HIBCH: variants seen among roughly 807,000 people sequenced by gnomAD.
The protein encoded by HIBCH is 3-hydroxyisobutyryl-CoA hydrolase, mitochondrial.
HIBCH carries 50 observed loss-of-function variants against 58.2 expected under a neutral mutation model. The ratio of observed to expected loss-of-function variants is 0.86; its 90% confidence interval spans 0.68 to 1.09. The LOEUF is 1.09. Among genes scored for constraint, HIBCH ranks in the 50% least tolerant of loss-of-function variants. The pLI is 0.00. For missense variants in HIBCH, 450 were observed against 449.7 expected (o/e 1.00, Z -0.01); for synonymous variants, 151 against 146.9 (o/e 1.03, Z -0.20).
intron 6 of HIBCH, among the ~76,000 whole-genome samples, chr2:190,282,233 T>C (rs1394601809): frequency 1.3e-5 from 2 of 152,216 alleles, no homozygotes; most frequent in African/African-American, 4.8e-5. Context: ...TCTGTCTCAG[T>C]CCATTTTGTG....
At position 190,215,006 on chromosome 2, in the gene HIBCH, A is replaced by C. The variant is rs1359641493; in HGVS notation, c.892-1931T>G. 1.3e-5 allele frequency: 2 copies of C among 152,194 alleles called. No homozygotes were observed. Among genetic ancestry groups the C allele is most frequent in the Non-Finnish European group, 2.9e-5 (2 of 68,030 alleles). 9.4% of individuals were successfully genotyped at this position (152,194 alleles called of 1,614,324 possible). On this transcript the variant is annotated intron_variant, in intron 11 of 13. Coordinates refer to ENST00000359678, the MANE Select transcript of HIBCH (RefSeq NM_014362.4). The surrounding 1 kb of genome is among the most constrained non-coding windows in gnomAD (Gnocchi z 4.4). The stretch of plus-strand genomic sequence containing the variant: ...GAGAAGTCCCTATGGGACAGGGAGG[A>C]GTTGGGTTTGTGAATGCACCTCTAA...
rs371256072 is a variant in HIBCH, at chr2:190,217,076, C to T, written c.892-4001G>A. 1.3e-5 allele frequency among the ~76,000 whole-genome samples: 2 copies of T among 152,320 alleles called. No individual in the cohort carries two copies. The highest frequency in any genetic ancestry group is 2.1e-4 in the South Asian group (1 of 4,828). On this transcript the variant is annotated intron_variant, in intron 11 of 13. Transcript: ENST00000359678. The surrounding 1 kb of genome is among the most constrained non-coding windows in gnomAD (Gnocchi z 4.6). ...CAGGAAAGGTGCCACAGGCTGTTAG[C>T]TCTTCAAACCAGCAGCTCTTGGCCC...
At chr2:190,251,880 A>G (rs553783016) in intron 8 of HIBCH, among the ~76,000 whole-genome samples, 22 of 152,258 alleles carry the variant, frequency 1.4e-4, no homozygotes, top group African/African-American at 5.3e-4. Flanking sequence ...TAAGGTAGGC[A>G]TGATTTTTTT....
chr2:190,220,930 A>G (rs951339642), intron 11 of HIBCH, among the ~76,000 whole-genome samples: 1 of 152,080 alleles, frequency 6.6e-6, no homozygotes, highest in African/African-American at 2.4e-5. Flanking sequence ...CACTACCATT[A>G]TGGTTTACTG....
chr2:190,301,769 G>C (rs1370371087), intron 2 of HIBCH, among the ~76,000 whole-genome samples: 1 of 152,194 alleles, frequency 6.6e-6, no homozygotes, highest in Non-Finnish European at 1.5e-5. Context: ...GAGATTCAGT[G>C]CCTGGTGAGA....
Position 190,207,818 on chromosome 2 carries a change from T to A in HIBCH, c.1045+1062A>T, listed in dbSNP as rs1203173985. ...ATCACTTGAACCTGGGAGGTGGAGG[T>A]TGCAGTAAGCCGAAAGTGCACCACT... is the stretch of plus-strand genomic sequence containing the variant. On this transcript the variant is annotated intron_variant, in intron 13 of 13. Coordinates refer to ENST00000359678, the MANE Select transcript of HIBCH (RefSeq NM_014362.4). This position sits in a 1 kb window ranked among gnomAD's most constrained non-coding sequence, Gnocchi z 4.5. 6.6e-6 allele frequency among the ~76,000 whole-genome samples: 1 copy of A among 151,762 alleles called. No individual in the cohort carries two copies. The highest frequency in any genetic ancestry group is 1.9e-4 in the East Asian group (1 of 5,172).
chr2:190,262,316 C>T (rs1438672643), intron 6 of HIBCH, among the ~76,000 whole-genome samples: 1 of 152,146 alleles, frequency 6.6e-6, no homozygotes, highest in Non-Finnish European at 1.5e-5. Flanking sequence ...ACCTGCAGTC[C>T]AATTTTCAGG....
At position 190,236,298 on chromosome 2, in the gene HIBCH, TTAA is replaced by T. The variant is rs1193912464; in HGVS notation, c.891+8586_891+8588del. ...AGGTAAAATTTAATTCACAAGTATT[TTAA>T]TAATAAGTCACATCATCTGTTATAT... On this transcript the variant is annotated intron_variant, in intron 11 of 13. Coordinates refer to ENST00000359678, the MANE Select transcript of HIBCH (RefSeq NM_014362.4). This position sits in a 1 kb window ranked among gnomAD's most constrained non-coding sequence, Gnocchi z 4.1. Among the ~76,000 whole-genome samples, 12 of 152,194 alleles carry T rather than the reference TTAA, an allele frequency of 7.9e-5. No homozygotes were observed. Among genetic ancestry groups the T allele is most frequent in the African/African-American group, 2.4e-4 (10 of 41,446 alleles).
chr2:190,200,008 G>A (rs2105889851), downstream of HIBCH: 1 of 1,614,042 alleles, frequency 6.2e-7, no homozygotes, highest in Non-Finnish European at 8.5e-7. Flanking sequence ...GGAAGTGAAG[G>A]AACCTCCAGG....
intron 11 of HIBCH, among the ~76,000 whole-genome samples, chr2:190,223,989 G>A (rs1406713886): frequency 1.3e-5 from 2 of 152,310 alleles, no homozygotes; most frequent in South Asian, 2.1e-4. Flanking sequence ...AGGGGTCGGG[G>A]AATTCCCTTT....
downstream of HIBCH, among the ~76,000 whole-genome samples, chr2:190,199,386 C>CCTTGGTATAGATAAATCT (rs1690130878): frequency 6.6e-6 from 1 of 151,582 alleles, no homozygotes; most frequent in Admixed American, 6.6e-5. Flanking sequence ...GTTTGCTAGC[C>CCTTGGTATAGATAAATCT]CTTGGTATAG....
At position 190,216,467 on chromosome 2, in the gene HIBCH, A is replaced by C. The variant is rs112141738; in HGVS notation, c.892-3392T>G. The stretch of plus-strand genomic sequence containing the variant: ...TGCAGAAGGTCTGGGGGGCTATATA[A>C]GTTAGATCAGAGGGTTGTAAACTCA... On this transcript the variant is annotated intron_variant, in intron 11 of 13. Transcript: ENST00000359678. The surrounding 1 kb of genome is among the most constrained non-coding windows in gnomAD (Gnocchi z 4.2). Among the ~76,000 whole-genome samples, 58 of 152,270 alleles carry C rather than the reference A, an allele frequency of 3.8e-4. No individual in the cohort carries two copies. The highest frequency in any genetic ancestry group is 1.3e-3 in the African/African-American group (53 of 41,554).
chr2:190,302,720 T>C (rs1318042049), intron 2 of HIBCH, among the ~76,000 whole-genome samples: 1 of 152,156 alleles, frequency 6.6e-6, no homozygotes, highest in Non-Finnish European at 1.5e-5. Flanking sequence ...TTTTTAAGCT[T>C]TCTCTGGGGT....
At chr2:190,256,256 A>C (rs1686919006) in intron 7 of HIBCH, among the ~76,000 whole-genome samples, 2 of 152,094 alleles carry the variant, frequency 1.3e-5, no homozygotes, top group Admixed American at 1.3e-4. Context: ...TAAGGAAAGA[A>C]TCACAGAAAA....
intron 1 of HIBCH, among the ~76,000 whole-genome samples, chr2:190,196,650 T>C (rs961162446): frequency 6.6e-6 from 1 of 152,168 alleles, no homozygotes. Context: ...GTTATCTTCC[T>C]TTAAATGGTA....
intron 12 of HIBCH, among the ~76,000 whole-genome samples, chr2:190,212,704 T>A (rs1037214072): frequency 9.8e-5 from 15 of 152,328 alleles, no homozygotes; most frequent in African/African-American, 3.4e-4. Flanking sequence ...TATTTTGAAT[T>A]CCTCTAAGAT....
rs1440141984 is a variant in HIBCH, at chr2:190,281,374, C to T, written c.438+6212G>A. ...TGTACCTGGGGCACTTGAGCCATAGCGGGGACAACTGAGGAGCACTGTGCT... is the reference window on the plus strand; with the variant it reads ...TGTACCTGGGGCACTTGAGCCATAGTGGGGACAACTGAGGAGCACTGTGCT... On this transcript the variant is annotated intron_variant, in intron 6 of 13. Coordinates refer to ENST00000359678, the MANE Select transcript of HIBCH (RefSeq NM_014362.4). This position sits in a 1 kb window ranked among gnomAD's most constrained non-coding sequence, Gnocchi z 5.4. 1.3e-5 allele frequency among the ~76,000 whole-genome samples: 2 copies of T among 152,090 alleles called. No individual in the cohort carries two copies. Among genetic ancestry groups the T allele is most frequent in the Non-Finnish European group, 2.9e-5 (2 of 68,016 alleles).
At chr2:190,300,427 T>A (rs74599976) in intron 2 of HIBCH, among the ~76,000 whole-genome samples, 2 of 142,772 alleles carry the variant, frequency 1.4e-5, no homozygotes, top group Admixed American at 6.9e-5. Flanking sequence ...GATACTGAGC[T>A]TTTTTTTTTT....
chr2:190,309,169 A>AGT (rs1559065808), intron 2 of HIBCH, among the ~76,000 whole-genome samples: 6 of 152,248 alleles, frequency 3.9e-5, no homozygotes, highest in African/African-American at 1.2e-4. Context: ...TGTTTACACT[A>AGT]GTTAGGATAA....
Sources: allele counts gnomAD v4.1 joint callset (sites outside exome capture counted in the v4.1 genomes callset), GRCh38; gene constraint gnomAD v4.1.1; non-coding constraint Gnocchi (gnomAD v3.1); transcripts MANE v1.5; gene names NCBI Gene and HGNC (gene_info 2026-07-23, HGNC 2026-07-21).